UTP20: variants seen among roughly 807,000 people sequenced by gnomAD.
The protein encoded by UTP20 is small subunit processome component 20 homolog.
UTP20 carries 164 observed loss-of-function variants against 329.5 expected under a neutral mutation model. That is an observed-to-expected ratio of 0.50 (90% CI 0.44 to 0.57). UTP20 has a LOEUF of 0.57. Among genes scored for constraint, UTP20 ranks in the 20% least tolerant of loss-of-function variants. The pLI, the probability that UTP20 is intolerant of heterozygous loss-of-function variation, is 0.00. For missense variants in UTP20, 3,055 were observed against 3,284.2 expected, an observed-to-expected ratio of 0.93 and a Z score of 1.71; for synonymous variants, 1,151 against 1,159.3, an observed-to-expected ratio of 0.99 and a Z score of 0.14.
intron 43 of UTP20, among the ~76,000 whole-genome samples, chr12:101,360,404 T>A (rs930536971): frequency 8.5e-5 from 13 of 152,158 alleles, no homozygotes; most frequent in African/African-American, 3.1e-4. Flanking sequence ...ACAGCAAACA[T>A]TTCAAGTACA....
At chr12:101,293,351 G>T (rs1872235353) in intron 11 of UTP20, 106 bp downstream of exon 11, 1 of 963,286 alleles carries the variant, frequency 1.0e-6, no homozygotes, top group Non-Finnish European at 1.6e-6. Flanking sequence ...AGAGGAACAG[G>T]ATAAGTGCTT....
rs749860562 is a variant in UTP20, at chr12:101,286,373, C to A, written c.379C>A (p.Pro127Thr). ...DLQMDFYPHF[P>T]EFFLTITSIL... ...GCAGATGGATTTCTACCCACACTTT[C>A]CAGAGTTTTTTTTGACTATCACCTC... Residue 127 changes from proline (P) to threonine (T), a missense_variant, in exon 5 of 62, where the codon CCA (proline) becomes ACA (threonine). Physicochemically the swap from Pro to Thr is conservative, Grantham distance 38. Around this residue, in one of 3 missense-constraint regions of UTP20, gnomAD observed 2,445 missense variants for 2,575.5 expected, o/e 0.95. Coordinates refer to ENST00000261637, the MANE Select transcript of UTP20 (RefSeq NM_014503.3). 1 of 1,613,618 alleles carries A rather than the reference C, an allele frequency of 6.2e-7. No individual in the cohort carries two copies. Among genetic ancestry groups the A allele is most frequent in the Non-Finnish European group, 8.5e-7 (1 of 1,179,796 alleles).
chr12:101,286,700 A>G (rs1030644542), intron 5 of UTP20, among the ~76,000 whole-genome samples, 191 bp downstream of exon 5: 7 of 151,626 alleles, frequency 4.6e-5, no homozygotes, highest in Non-Finnish European at 1.0e-4. Context: ...CTCTCCAGCT[A>G]CTGGAAGTAT....
At chr12:101,285,978 A>T in intron 4 of UTP20, 97 bp downstream of exon 4, 1 of 1,482,122 alleles carries the variant, frequency 6.7e-7, no homozygotes, top group South Asian at 1.3e-5. Flanking sequence ...TCAGGTGCTC[A>T]TAATTTAGAA....
Position 101,342,855 on chromosome 12 carries a change from C to A in UTP20, c.4296+18C>A. ...TTGTCAAGGTAAGAAAGAAGGGTTT[C>A]TCTTTGGCTTCAAAAGTATTATCAT... On this transcript the variant is annotated intron_variant, in intron 34 of 61. Transcript: ENST00000261637. 1 of 1,611,886 alleles carries A rather than the reference C, an allele frequency of 6.2e-7. No individual in the cohort carries two copies. The highest frequency in any genetic ancestry group is 8.5e-7 in the Non-Finnish European group (1 of 1,179,264).
intron 6 of UTP20, 64 bp from the exon 7 acceptor site, chr12:101,290,073 A>G (rs1872088167): frequency 1.6e-6 from 2 of 1,215,762 alleles, no homozygotes; most frequent in African/African-American, 1.6e-5. Context: ...AGCAAATGAG[A>G]GTTCTTCATT....
At position 101,384,892 on chromosome 12, in the gene UTP20, A is replaced by G. The variant is rs371438061; in HGVS notation, c.8057-691A>G. ...TGTGCTTTGGTTCAACCCAGTCAAC[A>G]TTTAATGAGCATCTAATATCTGCCA... is the stretch of plus-strand genomic sequence containing the variant. On this transcript the variant is annotated intron_variant, in intron 60 of 61. Coordinates refer to ENST00000261637, the MANE Select transcript of UTP20 (RefSeq NM_014503.3). Among the ~76,000 whole-genome samples, 5 of 152,270 alleles carry G rather than the reference A, an allele frequency of 3.3e-5. No individual in the cohort carries two copies. In the East Asian group the frequency reaches 9.6e-4, roughly 29 times the overall value.
intron 21 of UTP20, among the ~76,000 whole-genome samples, chr12:101,313,183 G>A (rs1329989426): frequency 6.6e-6 from 1 of 152,162 alleles, no homozygotes; most frequent in Non-Finnish European, 1.5e-5. Context: ...ACATTATTAA[G>A]TAATACATAA....
chr12:101,386,132 T>G lies in UTP20; in HGVS notation c.*9T>G. 6.3e-7 allele frequency: 1 copy of G among 1,596,520 alleles called. No individual in the cohort carries two copies. The highest frequency in any genetic ancestry group is 1.2e-5 in the South Asian group (1 of 86,194). ...TAGCAATGGTGGAGTAATGTCTCCC[T>G]GTGCTGATACAAGCATGAACTTTCT... On this transcript the variant is annotated 3_prime_UTR_variant, in exon 62 of 62. Coordinates refer to ENST00000261637, the MANE Select transcript of UTP20 (RefSeq NM_014503.3).
chr12:101,341,379 C>T (rs117179567), intron 32 of UTP20, among the ~76,000 whole-genome samples: 1,716 of 152,164 alleles, frequency 0.011, 20 homozygotes, highest in Non-Finnish European at 0.014. Flanking sequence ...ATTTTCAAAC[C>T]CTAGTTCAAT....
intron 18 of UTP20, among the ~76,000 whole-genome samples, chr12:101,309,040 C>T (rs1340051544): frequency 1.3e-5 from 2 of 152,078 alleles, no homozygotes; most frequent in African/African-American, 4.8e-5. Flanking sequence ...GCCCAGCCCT[C>T]TATGTTTTAT....
At chr12:101,383,342 G>A in intron 59 of UTP20, 29 bp downstream of exon 59, 2 of 1,582,582 alleles carry the variant, frequency 1.3e-6, no homozygotes, top group Non-Finnish European at 8.6e-7. Flanking sequence ...ATGACTGACA[G>A]TAGTCATTTC....
chr12:101,334,037 G>A (rs1271718221), intron 28 of UTP20, among the ~76,000 whole-genome samples: 1 of 152,206 alleles, frequency 6.6e-6, no homozygotes, highest in African/African-American at 2.4e-5. Flanking sequence ...AAACACCCAG[G>A]TGTTTTTATT....
intron 35 of UTP20, 53 bp downstream of exon 35, chr12:101,343,146 G>A (rs553799213): frequency 1.8e-5 from 24 of 1,357,416 alleles, no homozygotes; most frequent in Non-Finnish European, 2.3e-5. Context: ...TTGGTAATAC[G>A]GCTGCCTAAT....
chr12:101,313,697 T>C (rs1364432048), intron 21 of UTP20, among the ~76,000 whole-genome samples: 1 of 149,756 alleles, frequency 6.7e-6, no homozygotes, highest in Non-Finnish European at 1.5e-5. Context: ...TGCCAGCAGA[T>C]CAGATGTGGG....
At chr12:101,383,761 CCCTG>C in intron 60 of UTP20, 92 bp downstream of exon 60, 4 of 1,053,350 alleles carry the variant, frequency 3.8e-6, no homozygotes, top group South Asian at 3.3e-5. Context: ...TGTCCTCCCT[CCCTG>C]CCTGAGATTT....
chr12:101,283,134 G>C (rs1871852446), intron 2 of UTP20, among the ~76,000 whole-genome samples: 1 of 152,176 alleles, frequency 6.6e-6, no homozygotes, highest in African/African-American at 2.4e-5. Context: ...TGAAATTACA[G>C]ATTTGGCATT....
intron 17 of UTP20, 79 bp from the exon 18 acceptor site, chr12:101,308,106 C>A: frequency 7.9e-7 from 1 of 1,270,288 alleles, no homozygotes; most frequent in South Asian, 2.3e-5. Context: ...TATTTTTAGA[C>A]CTTTGGTCAC....
chr12:101,340,754 A>G (rs1869096069), intron 32 of UTP20, 144 bp downstream of exon 32: 1 of 602,502 alleles, frequency 1.7e-6, no homozygotes, highest in Non-Finnish European at 2.9e-6. Flanking sequence ...AATTAAAAAA[A>G]TTAGAAATAG....
Sources: gnomAD v4.1 joint callset for allele counts (sites outside exome capture counted in the v4.1 genomes callset) on GRCh38, gnomAD v4.1.1 for gene constraint, gnomAD v4.1.1 regional missense constraint, MANE v1.5 for transcripts, NCBI Gene and HGNC (gene_info 2026-07-23, HGNC 2026-07-21) for gene names.